PLA2G6: variants seen among roughly 807,000 people sequenced by gnomAD.
PLA2G6 encodes the protein 85/88 kDa calcium-independent phospholipase A2.
PLA2G6 carries 62 observed loss-of-function variants against 83.8 expected under a neutral mutation model. The observed-to-expected ratio is 0.74, with a 90% CI of 0.60 to 0.91. The LOEUF is 0.91. Among genes scored for constraint, PLA2G6 ranks in the 40% least tolerant of loss-of-function variants. The pLI, the probability that PLA2G6 is intolerant of heterozygous loss-of-function variation, is 0.00. For synonymous variants in PLA2G6, 417 were observed against 449.8 expected (o/e 0.93, Z 0.92); for missense variants, 944 against 1,102.0 (o/e 0.86, Z 2.03).
chr22:38,146,057 A>G, intron 2 of PLA2G6: 1 of 257,506 alleles, frequency 3.9e-6, no homozygotes, highest in Non-Finnish European at 7.6e-6. Flanking sequence ...TTTTTTTGAG[A>G]TAGAGTCTCA....
intron 15 of PLA2G6, 117 bp downstream of exon 15, chr22:38,113,370 G>T: frequency 3.0e-6 from 3 of 1,015,968 alleles, no homozygotes; most frequent in Non-Finnish European, 4.7e-6. Context: ...GGCTAAAGGC[G>T]ATGGACAGAG....
At chr22:38,145,757 G>T (rs1202445716) in intron 2 of PLA2G6, 104 bp from the exon 3 acceptor site, 3 of 687,270 alleles carry the variant, frequency 4.4e-6, no homozygotes, top group Non-Finnish European at 7.7e-6. Context: ...GGCCTGGCCA[G>T]CTCCAGCCCG....
At chr22:38,129,252 T>C (rs1448851387) in intron 8 of PLA2G6, among the ~76,000 whole-genome samples, 1 of 152,210 alleles carries the variant, frequency 6.6e-6, no homozygotes, top group Non-Finnish European at 1.5e-5. Context: ...GCAAGCCCCG[T>C]GGTGGGCCTG....
chr22:38,166,119 C>T (rs1354229381), intron 2 of PLA2G6, among the ~76,000 whole-genome samples: 1 of 152,192 alleles, frequency 6.6e-6, no homozygotes, highest in African/African-American at 2.4e-5. Flanking sequence ...TCGACTGGCA[C>T]GTGGCTGTCT....
At chr22:38,133,135 T>G in intron 6 of PLA2G6, 122 bp from the exon 7 acceptor site, 57 of 896,548 alleles carry the variant, frequency 6.4e-5, no homozygotes, top group Middle Eastern at 3.2e-4. Flanking sequence ...TGGAAAGCGC[T>G]AGCAAGAGGA....
chr22:38,151,818 T>G (rs994501721), intron 2 of PLA2G6, among the ~76,000 whole-genome samples: 1 of 152,190 alleles, frequency 6.6e-6, no homozygotes. Context: ...TCTCGTAATC[T>G]CTAAGGTTCT....
intron 1 of PLA2G6, among the ~76,000 whole-genome samples, chr22:38,173,731 G>A (rs1173520873): frequency 6.6e-6 from 1 of 152,062 alleles, no homozygotes; most frequent in East Asian, 1.9e-4. Context: ...GAGGCCCAGA[G>A]AGGCCCTGAA....
intron 10 of PLA2G6, 176 bp downstream of exon 10, chr22:38,126,195 G>T (rs769759444): frequency 4.4e-6 from 3 of 683,026 alleles, no homozygotes; most frequent in East Asian, 5.6e-5. Context: ...ATTAATGAAC[G>T]AGCGACACAG....
intron 2 of PLA2G6, among the ~76,000 whole-genome samples, chr22:38,168,962 T>C (rs575730728): frequency 4.6e-5 from 7 of 152,310 alleles, no homozygotes; most frequent in African/African-American, 1.7e-4. Context: ...CCTTTGTCCA[T>C]ATAGGTCGAG....
At chr22:38,164,530 C>T (rs569720772) in intron 2 of PLA2G6, among the ~76,000 whole-genome samples, 12 of 152,302 alleles carry the variant, frequency 7.9e-5, no homozygotes, top group East Asian at 3.9e-4. Flanking sequence ...CTGCTGCTGT[C>T]GCTGTCTGTA....
chr22:38,126,495 A>G, intron 9 of PLA2G6, 46 bp from the exon 10 acceptor site: 1 of 1,464,362 alleles, frequency 6.8e-7, no homozygotes, highest in Non-Finnish European at 9.5e-7. Flanking sequence ...TGGGTCCCCA[A>G]GCCCTGCTAC....
intron 2 of PLA2G6, 178 bp from the exon 3 acceptor site, chr22:38,145,831 A>C (rs904813785): frequency 6.7e-6 from 4 of 601,256 alleles, no homozygotes; most frequent in South Asian, 3.5e-5. Flanking sequence ...ACACACACAC[A>C]CACCCCTATA....
chr22:38,120,042 G>A (rs1293282993), intron 12 of PLA2G6, among the ~76,000 whole-genome samples: 1 of 152,154 alleles, frequency 6.6e-6, no homozygotes, highest in Non-Finnish European at 1.5e-5. Flanking sequence ...GGGATGCCGG[G>A]CCCCTAAGAC....
intron 9 of PLA2G6, 98 bp from the exon 10 acceptor site, chr22:38,126,547 C>T (rs142081708): frequency 2.9e-5 from 24 of 828,590 alleles, no homozygotes; most frequent in East Asian, 1.0e-4. Flanking sequence ...GCCTCGCCCA[C>T]GGCCACGCCC....
chr22:38,151,470 G>A (rs945666591), intron 2 of PLA2G6, among the ~76,000 whole-genome samples: 2 of 152,030 alleles, frequency 1.3e-5, no homozygotes, highest in Non-Finnish European at 2.9e-5. Flanking sequence ...GGAAATCCTG[G>A]GCTCAAGCGA....
chr22:38,124,198 G>T (rs1341240172), intron 10 of PLA2G6, among the ~76,000 whole-genome samples: 1 of 152,056 alleles, frequency 6.6e-6, no homozygotes. Context: ...CTGGTGTGTG[G>T]TGGTGCAATC....
intron 2 of PLA2G6, among the ~76,000 whole-genome samples, chr22:38,152,210 G>T (rs1267103938): frequency 6.6e-6 from 1 of 152,006 alleles, no homozygotes; most frequent in Non-Finnish European, 1.5e-5. Context: ...TTGTTAAAAA[G>T]AGCCTGGCAC....
At chr22:38,119,957 A>C (rs1569248517) in intron 12 of PLA2G6, among the ~76,000 whole-genome samples, 1 of 149,994 alleles carries the variant, frequency 6.7e-6, no homozygotes, top group East Asian at 1.9e-4. Context: ...AACACCACAG[A>C]GCAGAAAGAC....
chr22:38,116,817 C>T (rs2087224070), intron 12 of PLA2G6, among the ~76,000 whole-genome samples: 1 of 133,598 alleles, frequency 7.5e-6, no homozygotes, highest in Non-Finnish European at 1.5e-5. Context: ...CGTCATTGCA[C>T]TCCAGCCTGG....
Sources: allele counts gnomAD v4.1 joint callset (sites outside exome capture counted in the v4.1 genomes callset), GRCh38; gene constraint gnomAD v4.1.1; transcripts MANE v1.5; gene names NCBI Gene and HGNC (gene_info 2026-07-23, HGNC 2026-07-21).